Variants in SHLD1 observed in about 807,000 individuals in gnomAD.
SHLD1 encodes the protein RINN1-REV7-interacting novel NHEJ regulator 3.
A neutral mutation model predicts 5.5 loss-of-function variants in SHLD1; 3 were observed. The ratio of observed to expected loss-of-function variants is 0.54; its 90% CI spans 0.25 to 1.40. The LOEUF (loss-of-function observed/expected upper bound fraction) is 1.40. SHLD1 is among the 40% of genes most tolerant of loss of function. SHLD1 has a pLI of 0.15. For synonymous variants in SHLD1, 92 were observed against 94.3 expected, an observed-to-expected ratio of 0.98 and a Z score of 0.14; for missense variants, 210 against 244.4, an observed-to-expected ratio of 0.86 and a Z score of 0.94.
chr20:5,759,967 A>G (rs1474714910), intron 1 of SHLD1, among the ~76,000 whole-genome samples: 1 of 148,478 alleles, frequency 6.7e-6, no homozygotes, highest in Non-Finnish European at 1.5e-5. Context: ...TTACTTTATC[A>G]TTCTCTGTCT....
chr20:5,750,805 A>G (rs1440829648), intron 1 of SHLD1, among the ~76,000 whole-genome samples: 4 of 151,854 alleles, frequency 2.6e-5, no homozygotes, highest in African/African-American at 7.3e-5. Flanking sequence ...ATTTCTATTC[A>G]CCTACTAAGT....
In SHLD1 at chr20:5,855,578, C is replaced by T. The variant is rs2088072206; in HGVS notation, c.179-7446C>T. ...GTAGATACAGGGTTTCATCATGTTG[C>T]CCAGGCTGGTCTTGAACTCCTGGGC... is the stretch of plus-strand genomic sequence containing the variant. On this transcript the variant is annotated intron_variant, in intron 2 of 2. Coordinates refer to ENST00000303142, the MANE Select transcript of SHLD1 (RefSeq NM_152504.4). The surrounding 1 kb of genome is among the most constrained non-coding windows in gnomAD (Gnocchi z 4.4). 6.6e-6 allele frequency among the ~76,000 whole-genome samples: 1 copy of T among 152,006 alleles called. No homozygotes were observed. The highest frequency in any genetic ancestry group is 2.1e-4 in the South Asian group (1 of 4,816).
intron 2 of SHLD1, among the ~76,000 whole-genome samples, chr20:5,796,000 A>G (rs1181591700): frequency 1.3e-5 from 2 of 152,080 alleles, no homozygotes; most frequent in Admixed American, 6.6e-5. Context: ...TCAAAAAAAA[A>G]AAAGAAAGAA....
rs1023107682 is a variant in SHLD1, at chr20:5,828,970, C to T, written c.179-34054C>T. On this transcript the variant is annotated intron_variant, in intron 2 of 2. Coordinates refer to ENST00000303142, the MANE Select transcript of SHLD1 (RefSeq NM_152504.4). ...TCACTGCAGCCTCAACATCCCCAGG[C>T]TCAGGTGATTCTCCCACCTCAGCCT... is the stretch of plus-strand genomic sequence containing the variant. Among the ~76,000 whole-genome samples, 4 of 152,150 alleles carry T rather than the reference C, an allele frequency of 2.6e-5. No homozygotes were observed. In the South Asian group the frequency reaches 6.2e-4, roughly 24 times the overall value.
intron 1 of SHLD1, among the ~76,000 whole-genome samples, chr20:5,771,161 A>C (rs1327401600): frequency 4.6e-5 from 7 of 152,212 alleles, no homozygotes; most frequent in African/African-American, 1.7e-4. Context: ...ACCAGAGTTA[A>C]TCTGGTACTT....
In SHLD1 at chr20:5,816,729, A is replaced by G. The variant is rs551363812; in HGVS notation, c.178+43686A>G. Among the ~76,000 whole-genome samples the G allele has an allele frequency of 2.2e-4, 33 of 152,348 alleles. No homozygotes were observed. The South Asian group carries it at 6.6e-3, about 31-fold the overall frequency. ...ACAGTATAAAAGGACCAGTTTAAAA[A>G]CTATCACAGATATTCCTATTTGTCA... On this transcript the variant is annotated intron_variant, in intron 2 of 2. Coordinates refer to ENST00000303142, the MANE Select transcript of SHLD1 (RefSeq NM_152504.4).
At chr20:5,762,265 A>G (rs1464649444) in intron 1 of SHLD1, among the ~76,000 whole-genome samples, 5 of 151,888 alleles carry the variant, frequency 3.3e-5, no homozygotes, top group Non-Finnish European at 7.4e-5. Flanking sequence ...AAATTCTTTT[A>G]TTTATTGACA....
At chr20:5,823,316 T>C (rs1328023381) in intron 2 of SHLD1, among the ~76,000 whole-genome samples, 1 of 152,142 alleles carries the variant, frequency 6.6e-6, no homozygotes, top group Non-Finnish European at 1.5e-5. Context: ...TTGTATTTTT[T>C]TGTAGAGACA....
At chr20:5,802,001 T>C (rs2087301277) in intron 2 of SHLD1, among the ~76,000 whole-genome samples, 1 of 152,204 alleles carries the variant, frequency 6.6e-6, no homozygotes, top group Non-Finnish European at 1.5e-5. Flanking sequence ...GTTCTAAACT[T>C]ACCACAGGAA....
rs1290464468 is a variant in SHLD1, at chr20:5,772,862, G to A, written c.-4G>A. On this transcript the variant is annotated splice_region_variant and 5_prime_UTR_variant, in exon 2 of 3. Coordinates refer to ENST00000303142, the MANE Select transcript of SHLD1 (RefSeq NM_152504.4). ...AATTGTTTTCTTTTTTCCATGGCAG[G>A]ACTATGGCAGCCAGGGACGCCACTT... 3.1e-6 allele frequency: 5 copies of A among 1,610,378 alleles called. No individual in the cohort carries two copies. In the South Asian group the frequency reaches 5.5e-5, roughly 18 times the overall value.
chr20:5,807,014 G>A (rs1331093082), intron 2 of SHLD1, among the ~76,000 whole-genome samples: 1 of 152,182 alleles, frequency 6.6e-6, no homozygotes, highest in Non-Finnish European at 1.5e-5. Context: ...CAGCTGGCTG[G>A]TAGCTGTGAG....
intron 2 of SHLD1, among the ~76,000 whole-genome samples, chr20:5,783,023 C>T (rs11699904): frequency 0.55 from 82,748 of 151,488 alleles, 22,640 homozygotes; most frequent in African/African-American, 0.59. Context: ...GTCACTAGAC[C>T]AAACCTGAGA....
chr20:5,849,447 A>G (rs2087972927), intron 2 of SHLD1, among the ~76,000 whole-genome samples: 2 of 152,246 alleles, frequency 1.3e-5, no homozygotes, highest in Admixed American at 6.5e-5. Context: ...AAAAGTCTGT[A>G]GACACCTTAT....
At chr20:5,778,051 G>A (rs1156927342) in intron 2 of SHLD1, among the ~76,000 whole-genome samples, 1 of 151,306 alleles carries the variant, frequency 6.6e-6, no homozygotes, top group Non-Finnish European at 1.5e-5. Context: ...GTGAGTGGTG[G>A]CTCATGCCTG....
chr20:5,766,568 T>G (rs1826148563), intron 1 of SHLD1, among the ~76,000 whole-genome samples: 2 of 152,152 alleles, frequency 1.3e-5, no homozygotes, highest in South Asian at 2.1e-4. Flanking sequence ...TGTGTTTCCC[T>G]GGGCAAGTGA....
At chr20:5,850,625 C>T (rs912258683) in intron 2 of SHLD1, among the ~76,000 whole-genome samples, 2 of 151,858 alleles carry the variant, frequency 1.3e-5, no homozygotes, top group African/African-American at 4.8e-5. Context: ...ATTCTCCTGC[C>T]TCAGCCTCCC....
At chr20:5,862,569 C>T (rs2088177269) in intron 2 of SHLD1, among the ~76,000 whole-genome samples, 1 of 152,242 alleles carries the variant, frequency 6.6e-6, no homozygotes, top group Admixed American at 6.5e-5. Context: ...TCAGCACCTT[C>T]CCAGTTTGGG....
At chr20:5,759,016 G>A (rs1360779154) in intron 1 of SHLD1, among the ~76,000 whole-genome samples, 11 of 142,524 alleles carry the variant, frequency 7.7e-5, no homozygotes, top group Non-Finnish European at 1.4e-4. Context: ...GTGCAATGGC[G>A]CGATCTCTGC....
chr20:5,782,853 A>T (rs1186610388), intron 2 of SHLD1, among the ~76,000 whole-genome samples: 1 of 151,988 alleles, frequency 6.6e-6, no homozygotes, highest in African/African-American at 2.4e-5. Context: ...GCTCTTAGAT[A>T]AAAAAACTCA....
Sources: gnomAD v4.1 joint callset for allele counts (sites outside exome capture counted in the v4.1 genomes callset) on GRCh38, gnomAD v4.1.1 for gene constraint, Gnocchi (gnomAD v3.1) non-coding constraint, MANE v1.5 for transcripts, NCBI Gene and HGNC (gene_info 2026-07-23, HGNC 2026-07-21) for gene names.